SP140L: variants seen among roughly 807,000 people sequenced by gnomAD.
The protein encoded by SP140L is SP140 like nuclear body protein.
SP140L carries 64 observed loss-of-function variants against 84.3 expected under a neutral mutation model. That is an observed-to-expected ratio of 0.76 (90% CI 0.62 to 0.94). The LOEUF (loss-of-function observed/expected upper bound fraction) is 0.94. Ranked by LOEUF, SP140L falls within the 40% of genes least tolerant of loss-of-function variation. The pLI is 0.00. For synonymous variants in SP140L, 242 were observed against 236.9 expected, an observed-to-expected ratio of 1.02 and a Z score of -0.20; for missense variants, 628 against 692.5, an observed-to-expected ratio of 0.91 and a Z score of 1.05.
At position 230,327,281 on chromosome 2, in the gene SP140L, G is replaced by A. The variant is rs2059605110; in HGVS notation, c.12G>A (p.Gly4=). ...CCTAGGGTGGGACGATGGCAGGTGGGGGCAGCGACCTGAGCACCAGGTGAG... is the reference window on the plus strand; with the variant it reads ...CCTAGGGTGGGACGATGGCAGGTGGAGGCAGCGACCTGAGCACCAGGTGAG... The part of the protein sequence containing the change: MAG[G]GSDLSTRGLN... Residue 4 remains glycine (G), a synonymous_variant, in exon 1 of 19, where the codon GGG becomes GGA. Transcript: ENST00000415673. 6.2e-7 allele frequency: 1 copy of A among 1,611,818 alleles called. No individual in the cohort carries two copies. The highest frequency in any genetic ancestry group is 1.1e-5 in the South Asian group (1 of 90,552).
At chr2:230,339,949 G>GA (rs1378925308) in intron 2 of SP140L, among the ~76,000 whole-genome samples, 2 of 151,152 alleles carry the variant, frequency 1.3e-5, no homozygotes, top group Non-Finnish European at 2.9e-5. Flanking sequence ...GTGTGGTGCT[G>GA]AAAAAAATGT....
At chr2:230,328,639 CT>C in intron 1 of SP140L, 117 bp from the exon 2 acceptor site, 85 of 1,289,544 alleles carry the variant, frequency 6.6e-5, no homozygotes, top group Middle Eastern at 2.0e-4. Flanking sequence ...ATATATTTCT[CT>C]TTTTTTTGCA....
chr2:230,381,711 T>TACACACACACAC (rs71052506), intron 7 of SP140L, among the ~76,000 whole-genome samples: 3 of 147,056 alleles, frequency 2.0e-5, no homozygotes, highest in East Asian at 2.1e-4. Context: ...CCTGTCTCTC[T>TACACACACACAC]ACACACACAC....
intron 5 of SP140L, among the ~76,000 whole-genome samples, chr2:230,362,851 C>T (rs7605720): frequency 0.27 from 40,486 of 150,670 alleles, 7,629 homozygotes; most frequent in East Asian, 0.57. Flanking sequence ...AAACATAAAA[C>T]GCAAATGAGG....
chr2:230,352,268 C>T (rs975338263), intron 2 of SP140L, among the ~76,000 whole-genome samples: 9 of 151,916 alleles, frequency 5.9e-5, no homozygotes, highest in African/African-American at 2.2e-4. Flanking sequence ...CATTCTCATA[C>T]TGCTACAAAG....
chr2:230,332,686 T>C (rs1413011847), intron 2 of SP140L, among the ~76,000 whole-genome samples: 4 of 152,230 alleles, frequency 2.6e-5, no homozygotes. Flanking sequence ...ACACATTTGC[T>C]TGGATTTTGT....
chr2:230,341,839 G>T (rs1379225378), intron 2 of SP140L, among the ~76,000 whole-genome samples: 1 of 152,080 alleles, frequency 6.6e-6, no homozygotes, highest in Admixed American at 6.5e-5. Context: ...TGAGGAGGCA[G>T]TCTGCCCGTT....
At chr2:230,338,041 G>A (rs1450462491) in intron 2 of SP140L, among the ~76,000 whole-genome samples, 1 of 146,772 alleles carries the variant, frequency 6.8e-6, no homozygotes, top group Non-Finnish European at 1.5e-5. Flanking sequence ...GAAAGTCATT[G>A]GTAGCTTGAT....
chr2:230,371,114 G>A (rs1011405880), intron 6 of SP140L, 147 bp downstream of exon 6: 4 of 669,952 alleles, frequency 6.0e-6, no homozygotes, highest in Middle Eastern at 2.5e-4. Flanking sequence ...AGAGAGGCAA[G>A]AGATCATTAT....
intron 2 of SP140L, among the ~76,000 whole-genome samples, chr2:230,357,392 TCA>T (rs2060580614): frequency 6.6e-6 from 1 of 152,174 alleles, no homozygotes; most frequent in African/African-American, 2.4e-5. Flanking sequence ...TCAAATTCTC[TCA>T]GTTGTTGATT....
chr2:230,359,001 A>G lies in SP140L; in HGVS notation c.308A>G (p.Gln103Arg). The G allele has an allele frequency of 6.2e-7, 1 of 1,609,588 alleles. No homozygotes were observed. Among genetic ancestry groups the G allele is most frequent in the African/African-American group, 1.3e-5 (1 of 74,662 alleles). The change falls in exon 4 of 19, where the codon CAA (glutamine) becomes CGA (arginine). Residue 103 changes from glutamine to arginine, a missense_variant. Around this residue, in one of 4 missense-constraint regions of SP140L, gnomAD observed 525 missense variants for 518.4 expected, o/e 1.01. Coordinates refer to ENST00000415673, the MANE Select transcript of SP140L (RefSeq NM_138402.6). ...EDSCRNLVPV[Q>R]RVVYNVLSEL... ...TCTTGTAGAAACCTGGTCCCTGTACAAAGAGTGGTGTACAATGTTCTCAGT... is the reference window on the plus strand; with the variant it reads ...TCTTGTAGAAACCTGGTCCCTGTACGAAGAGTGGTGTACAATGTTCTCAGT...
chr2:230,381,648 G>A (rs1289714332), intron 7 of SP140L, among the ~76,000 whole-genome samples: 1 of 151,870 alleles, frequency 6.6e-6, no homozygotes, highest in Non-Finnish European at 1.5e-5. Context: ...TTGAGGCCAG[G>A]AGTCCAAAAA....
At chr2:230,352,512 G>A (rs2060394817) in intron 2 of SP140L, among the ~76,000 whole-genome samples, 3 of 152,236 alleles carry the variant, frequency 2.0e-5, no homozygotes, top group Admixed American at 2.0e-4. Context: ...TCACTATCAT[G>A]AGAACAGTAT....
chr2:230,330,212 T>G (rs1448343878), intron 2 of SP140L, among the ~76,000 whole-genome samples: 2 of 152,232 alleles, frequency 1.3e-5, no homozygotes, highest in Admixed American at 6.5e-5. Context: ...GTTTTTCATC[T>G]GAGCTACAGT....
At chr2:230,353,005 T>C (rs975214850) in intron 2 of SP140L, among the ~76,000 whole-genome samples, 4 of 152,122 alleles carry the variant, frequency 2.6e-5, no homozygotes, top group Admixed American at 6.5e-5. Flanking sequence ...ATAGAGTTTT[T>C]ATTTTAAAAA....
intron 3 of SP140L, among the ~76,000 whole-genome samples, chr2:230,358,494 G>A (rs1043284180): frequency 2.6e-5 from 4 of 152,132 alleles, no homozygotes; most frequent in East Asian, 3.9e-4. Context: ...ACAGAACAGC[G>A]AGTCATCTCT....
intron 2 of SP140L, among the ~76,000 whole-genome samples, chr2:230,353,933 G>A (rs554409164): frequency 1.3e-5 from 2 of 152,040 alleles, no homozygotes; most frequent in African/African-American, 4.8e-5. Context: ...CTGTATTTCT[G>A]TAATTGTTAC....
chr2:230,374,489 A>C (rs2061182228), intron 7 of SP140L, among the ~76,000 whole-genome samples: 1 of 152,320 alleles, frequency 6.6e-6, no homozygotes, highest in Non-Finnish European at 1.5e-5. Flanking sequence ...ACAACAAAGG[A>C]TTTAGAATAT....
intron 2 of SP140L, among the ~76,000 whole-genome samples, chr2:230,356,135 C>G (rs2060538511): frequency 6.6e-6 from 1 of 152,174 alleles, no homozygotes; most frequent in Non-Finnish European, 1.5e-5. Flanking sequence ...ATCGTACACA[C>G]TGGAATGGCT....
Sources: gnomAD v4.1 joint callset for allele counts (sites outside exome capture counted in the v4.1 genomes callset) on GRCh38, gnomAD v4.1.1 for gene constraint, gnomAD v4.1.1 regional missense constraint, MANE v1.5 for transcripts, NCBI Gene and HGNC (gene_info 2026-07-23, HGNC 2026-07-21) for gene names.